BTRC: variants seen among roughly 807,000 people sequenced by gnomAD.
The protein encoded by BTRC is F-box/WD repeat-containing protein 1A.
In BTRC, 42 loss-of-function variants were observed where a neutral mutation model predicts 85.5. That is an observed-to-expected ratio of 0.49 (90% CI 0.38 to 0.64). The LOEUF (loss-of-function observed/expected upper bound fraction) is 0.64. BTRC is among the 30% of genes least tolerant of loss of function. The pLI, the probability that BTRC is intolerant of heterozygous loss-of-function variation, is 0.00. For missense variants in BTRC, 594 were observed against 743.5 expected (o/e 0.80, Z 2.34); for synonymous variants, 255 against 263.3 (o/e 0.97, Z 0.30).
At chr10:101,466,449 C>G (rs1236683865) in intron 3 of BTRC, among the ~76,000 whole-genome samples, 1 of 152,162 alleles carries the variant, frequency 6.6e-6, no homozygotes, top group African/African-American at 2.4e-5. Context: ...TTCCTTTATT[C>G]TTTAAAAACA....
At chr10:101,496,792 A>G (rs1376972883) in intron 4 of BTRC, among the ~76,000 whole-genome samples, 1 of 151,690 alleles carries the variant, frequency 6.6e-6, no homozygotes, top group African/African-American at 2.4e-5. Context: ...GGTTTTATGT[A>G]TTTTTCTTAA....
At chr10:101,428,547 T>C (rs1944319446) in intron 1 of BTRC, among the ~76,000 whole-genome samples, 1 of 152,196 alleles carries the variant, frequency 6.6e-6, no homozygotes, top group South Asian at 2.1e-4. Context: ...ACCCTTCTTT[T>C]GAAGCCCAGT....
At chr10:101,504,685 C>T (rs958333308) in intron 4 of BTRC, among the ~76,000 whole-genome samples, 2 of 151,750 alleles carry the variant, frequency 1.3e-5, no homozygotes, top group African/African-American at 4.8e-5. Flanking sequence ...TTCCATTTCC[C>T]TTTTCTTTCT....
chr10:101,398,672 A>T (rs1943423629), intron 1 of BTRC, among the ~76,000 whole-genome samples: 1 of 152,222 alleles, frequency 6.6e-6, no homozygotes, highest in Non-Finnish European at 1.5e-5. Context: ...AGTTGCGTAC[A>T]CTAATACCAT....
chr10:101,371,256 T>A (rs1942627662), intron 1 of BTRC, among the ~76,000 whole-genome samples: 2 of 152,052 alleles, frequency 1.3e-5, no homozygotes, highest in African/African-American at 2.4e-5. Flanking sequence ...TGGCACCATC[T>A]TGGCTCACTG....
rs529827271 is a variant in BTRC, at chr10:101,483,532, G to A, written c.324+4075G>A. On this transcript the variant is annotated intron_variant, in intron 4 of 14. Transcript: ENST00000370187. ...CACTTGAACCTGGGAGGCAGAGGTT[G>A]CAGTAAGCTGAGATCGTGCCACAGC... Among the ~76,000 whole-genome samples the A allele has an allele frequency of 1.6e-4, 25 of 152,266 alleles. No homozygotes were observed. In the East Asian group the frequency reaches 3.5e-3, roughly 21 times the overall value.
intron 1 of BTRC, among the ~76,000 whole-genome samples, chr10:101,372,268 T>G (rs907439281): frequency 2.6e-5 from 4 of 151,582 alleles, no homozygotes; most frequent in Non-Finnish European, 5.9e-5. Context: ...CTTTTTCTTT[T>G]TTTTTTTAAA....
At chr10:101,541,924 C>T (rs1408317554) in intron 13 of BTRC, among the ~76,000 whole-genome samples, 1 of 138,936 alleles carries the variant, frequency 7.2e-6, no homozygotes, top group Admixed American at 7.3e-5. Context: ...GGTTGACTGT[C>T]ATGATAATGT....
At chr10:101,486,123 A>G (rs1457040929) in intron 4 of BTRC, among the ~76,000 whole-genome samples, 1 of 152,222 alleles carries the variant, frequency 6.6e-6, no homozygotes, top group Non-Finnish European at 1.5e-5. Flanking sequence ...GGCAAGGCAA[A>G]TAAAATTACT....
intron 4 of BTRC, among the ~76,000 whole-genome samples, chr10:101,494,702 G>A (rs997400909): frequency 6.6e-6 from 1 of 152,126 alleles, no homozygotes; most frequent in Non-Finnish European, 1.5e-5. Context: ...GGATGAGAAA[G>A]ATTTGAAATC....
At chr10:101,468,096 A>G (rs549254809) in intron 3 of BTRC, among the ~76,000 whole-genome samples, 1 of 152,164 alleles carries the variant, frequency 6.6e-6, no homozygotes, top group African/African-American at 2.4e-5. Context: ...AAAAGGAGCA[A>G]TTTAATAACC....
intron 4 of BTRC, among the ~76,000 whole-genome samples, chr10:101,517,164 A>G (rs750140991): frequency 6.6e-6 from 1 of 152,350 alleles, no homozygotes; most frequent in African/African-American, 2.4e-5. Flanking sequence ...AGTCTGTATC[A>G]TAGGCAACAG....
At chr10:101,448,859 T>A (rs1378367472) in intron 2 of BTRC, among the ~76,000 whole-genome samples, 1 of 151,974 alleles carries the variant, frequency 6.6e-6, no homozygotes, top group Non-Finnish European at 1.5e-5. Flanking sequence ...GGCATACCCT[T>A]CAATATCTAT....
At chr10:101,546,413 A>T (rs1368339139) in intron 13 of BTRC, among the ~76,000 whole-genome samples, 2 of 152,180 alleles carry the variant, frequency 1.3e-5, no homozygotes, top group South Asian at 4.1e-4. Flanking sequence ...ATTTTTTTTT[A>T]ATTTTTACTT....
At chr10:101,396,252 T>A (rs1427731305) in intron 1 of BTRC, among the ~76,000 whole-genome samples, 2 of 151,168 alleles carry the variant, frequency 1.3e-5, no homozygotes, top group African/African-American at 4.9e-5. Context: ...TATTTTAAAA[T>A]TTTTATACTG....
intron 3 of BTRC, among the ~76,000 whole-genome samples, chr10:101,463,917 A>C (rs556248156): frequency 6.4e-4 from 95 of 149,042 alleles, no homozygotes; most frequent in African/African-American, 2.2e-3. Context: ...ATAATTGTTT[A>C]GTAAATAGAA....
intron 1 of BTRC, among the ~76,000 whole-genome samples, chr10:101,425,063 G>A (rs1944213897): frequency 6.6e-6 from 1 of 152,074 alleles, no homozygotes; most frequent in South Asian, 2.1e-4. Context: ...TTGGTTTTCT[G>A]TTTCTGCATT....
intron 1 of BTRC, among the ~76,000 whole-genome samples, chr10:101,404,220 C>T (rs10883641): frequency 0.29 from 43,005 of 149,790 alleles, 7,363 homozygotes; most frequent in Middle Eastern, 0.47. Flanking sequence ...TTGGTAGAGA[C>T]GGGGTTTCAC....
chr10:101,420,921 A>C (rs1021947486), intron 1 of BTRC, among the ~76,000 whole-genome samples: 1 of 151,542 alleles, frequency 6.6e-6, no homozygotes, highest in African/African-American at 2.4e-5. Context: ...TATTACTTAC[A>C]TAGAAGTCAG....
Sources: allele counts gnomAD v4.1 joint callset (sites outside exome capture counted in the v4.1 genomes callset), GRCh38; gene constraint gnomAD v4.1.1; transcripts MANE v1.5; gene names NCBI Gene and HGNC (gene_info 2026-07-23, HGNC 2026-07-21).